Variants in ARMC9 observed in about 807,000 individuals in gnomAD.
ARMC9 encodes the protein lisH domain-containing protein ARMC9.
A neutral mutation model predicts 107.0 loss-of-function variants in ARMC9; 94 were observed. The observed-to-expected ratio is 0.88, with a 90% CI of 0.74 to 1.04. The LOEUF is 1.04. Ranked by LOEUF, ARMC9 falls within the 50% of genes least tolerant of loss-of-function variation. ARMC9 has a pLI of 0.00. For synonymous variants in ARMC9, 380 were observed against 396.9 expected (o/e 0.96, Z 0.51); for missense variants, 942 against 1,030.1 (o/e 0.91, Z 1.17).
chr2:231,233,020 T>C (rs2125355949), intron 7 of ARMC9, among the ~76,000 whole-genome samples: 1 of 151,884 alleles, frequency 6.6e-6, no homozygotes, highest in Middle Eastern at 3.4e-3. Flanking sequence ...CTGGCTAGTT[T>C]TTGTATTTTT....
chr2:231,203,288 C>T lies in ARMC9; in HGVS notation c.-41-2910C>T, dbSNP rs879660391. ...CAGTCCTTCCCCAGGTTTTCGTTGACTCAGCAAATCACATACTCTTCGGCC... is the reference window on the plus strand; with the variant it reads ...CAGTCCTTCCCCAGGTTTTCGTTGATTCAGCAAATCACATACTCTTCGGCC... On this transcript the variant is annotated intron_variant, in intron 1 of 24. Coordinates refer to ENST00000611582, the MANE Select transcript of ARMC9 (RefSeq NM_001352754.2). Among the ~76,000 whole-genome samples, 3 of 152,306 alleles carry T rather than the reference C, an allele frequency of 2.0e-5. No individual in the cohort carries two copies. In the East Asian group the frequency reaches 5.8e-4, roughly 29 times the overall value.
At chr2:231,284,748 G>A (rs1014504941) in intron 17 of ARMC9, among the ~76,000 whole-genome samples, 1 of 152,224 alleles carries the variant, frequency 6.6e-6, no homozygotes, top group Non-Finnish European at 1.5e-5. Context: ...AACCAAGGAT[G>A]TGACTACCAG....
At chr2:231,228,212 G>A (rs1358266224) in intron 7 of ARMC9, among the ~76,000 whole-genome samples, 1 of 152,242 alleles carries the variant, frequency 6.6e-6, no homozygotes, top group African/African-American at 2.4e-5. Context: ...ATACACCTCA[G>A]CCCACTGTTC....
In ARMC9 at chr2:231,372,134, A is replaced by AG. The variant is rs2046043912; in HGVS notation, c.*601dup. The stretch of plus-strand genomic sequence containing the variant: ...GTAATTCCAGGACTTTGGAAGGCTG[A>AG]GGCGGGCAGATCACGAGGTCAGGAG... On this transcript the variant is annotated 3_prime_UTR_variant, in exon 25 of 25. Coordinates refer to ENST00000611582, the MANE Select transcript of ARMC9 (RefSeq NM_001352754.2). 1 of 152,350 alleles carries AG rather than the reference A, an allele frequency of 6.6e-6. No individual in the cohort carries two copies. The highest frequency in any genetic ancestry group is 1.5e-5 in the Non-Finnish European group (1 of 68,130). The allele number at this position is 152,350 out of a possible 1,614,324, so 9.4% of individuals were successfully genotyped here.
chr2:231,269,034 C>T (rs1399212082), intron 12 of ARMC9, among the ~76,000 whole-genome samples: 1 of 152,192 alleles, frequency 6.6e-6, no homozygotes, highest in Non-Finnish European at 1.5e-5. Context: ...CACTGCACTT[C>T]ATCCTGGGCA....
chr2:231,346,478 G>A (rs1174686487), intron 21 of ARMC9, among the ~76,000 whole-genome samples: 2 of 152,108 alleles, frequency 1.3e-5, no homozygotes, highest in Non-Finnish European at 2.9e-5. Context: ...CTGAGATCTC[G>A]CCACTAGCAC....
intron 9 of ARMC9, among the ~76,000 whole-genome samples, chr2:231,252,671 C>T (rs1054725613): frequency 1.3e-5 from 2 of 151,874 alleles, no homozygotes; most frequent in African/African-American, 4.8e-5. Context: ...GGGTCTCACT[C>T]TGTTGCCCAG....
intron 12 of ARMC9, among the ~76,000 whole-genome samples, chr2:231,266,011 AAAG>A (rs1438437218): frequency 1.2e-4 from 18 of 152,016 alleles, no homozygotes; most frequent in African/African-American, 2.4e-5. Context: ...AAAAAAAAAA[AAAG>A]AAGAAATGAG....
chr2:231,332,319 G>A (rs1241062264), intron 20 of ARMC9, among the ~76,000 whole-genome samples: 3 of 134,532 alleles, frequency 2.2e-5, no homozygotes. Context: ...GAAGCACAGT[G>A]TGGAGAGAGA....
chr2:231,283,207 A>G (rs533111279), intron 17 of ARMC9, among the ~76,000 whole-genome samples: 2 of 152,168 alleles, frequency 1.3e-5, no homozygotes, highest in African/African-American at 4.8e-5. Context: ...CTATGTGACA[A>G]CATCAGGTCT....
chr2:231,271,139 T>A, intron 13 of ARMC9, 67 bp downstream of exon 13: 1 of 1,475,020 alleles, frequency 6.8e-7, no homozygotes, highest in East Asian at 2.3e-5. Context: ...CCTTTGAAAA[T>A]GAGCGTTCCT....
At chr2:231,232,536 C>T (rs1047450086) in intron 7 of ARMC9, among the ~76,000 whole-genome samples, 1 of 151,334 alleles carries the variant, frequency 6.6e-6, no homozygotes, top group Non-Finnish European at 1.5e-5. Flanking sequence ...ACTGCAACCT[C>T]CACCTCCCAG....
At chr2:231,288,883 A>G (rs2040798613) in intron 17 of ARMC9, among the ~76,000 whole-genome samples, 1 of 152,244 alleles carries the variant, frequency 6.6e-6, no homozygotes, top group Non-Finnish European at 1.5e-5. Flanking sequence ...CACTATATAT[A>G]CAAACACAGG....
intron 17 of ARMC9, among the ~76,000 whole-genome samples, chr2:231,290,674 A>G (rs1034297835): frequency 3.3e-5 from 5 of 152,218 alleles, no homozygotes; most frequent in Non-Finnish European, 5.9e-5. Flanking sequence ...TTTACCCAAT[A>G]TTGAAAATTC....
chr2:231,214,215 G>T (rs1007598435), intron 3 of ARMC9, among the ~76,000 whole-genome samples: 4 of 152,238 alleles, frequency 2.6e-5, no homozygotes, highest in African/African-American at 9.6e-5. Context: ...CTTCTCTGTC[G>T]CTGCAGCTGC....
chr2:231,321,569 G>A (rs138342165), intron 19 of ARMC9, among the ~76,000 whole-genome samples: 94 of 152,300 alleles, frequency 6.2e-4, no homozygotes, highest in African/African-American at 2.2e-3. Context: ...CATTGGGTCA[G>A]GAGTGTGTCC....
intron 17 of ARMC9, chr2:231,288,629 G>C (rs1392705966): frequency 2.1e-6 from 1 of 471,206 alleles, no homozygotes; most frequent in South Asian, 1.5e-5. Flanking sequence ...GGCTCTGGAA[G>C]AGATGCTTTC....
chr2:231,246,293 T>C (rs2036756861), intron 9 of ARMC9, among the ~76,000 whole-genome samples: 1 of 152,216 alleles, frequency 6.6e-6, no homozygotes, highest in Non-Finnish European at 1.5e-5. Context: ...GGCATACAGA[T>C]GATCTCATCA....
At chr2:231,347,030 G>A (rs1037539073) in intron 21 of ARMC9, among the ~76,000 whole-genome samples, 3 of 152,174 alleles carry the variant, frequency 2.0e-5, no homozygotes, top group African/African-American at 7.2e-5. Context: ...TCAGAGATAA[G>A]GATAGGGAAT....
Sources: gnomAD v4.1 joint callset for allele counts (sites outside exome capture counted in the v4.1 genomes callset) on GRCh38, gnomAD v4.1.1 for gene constraint, MANE v1.5 for transcripts, NCBI Gene and HGNC (gene_info 2026-07-23, HGNC 2026-07-21) for gene names.